The following MIDEAS variants were observed in gnomAD, a reference collection of about 807,000 sequenced individuals.
The protein encoded by MIDEAS is mitotic deacetylase-associated SANT domain protein.
Under a neutral mutation model 102.7 loss-of-function variants are expected in MIDEAS, and 26 were observed. The ratio of observed to expected loss-of-function variants is 0.25; its 90% confidence interval spans 0.19 to 0.35. The LOEUF (loss-of-function observed/expected upper bound fraction) is 0.35, where lower values mean the gene tolerates loss of function less well. MIDEAS is among the 10% of genes least tolerant of loss of function. The pLI, the probability that MIDEAS is intolerant of heterozygous loss-of-function variation, is 1.00. For synonymous variants in MIDEAS, 585 were observed against 591.0 expected, an observed-to-expected ratio of 0.99 and a Z score of 0.15; for missense variants, 1,231 against 1,435.6, an observed-to-expected ratio of 0.86 and a Z score of 2.30.
intron 1 of MIDEAS, among the ~76,000 whole-genome samples, chr14:73,772,223 C>T (rs2053648220): frequency 6.6e-6 from 1 of 152,206 alleles, no homozygotes; most frequent in Non-Finnish European, 1.5e-5. Context: ...GGAGTCCCTC[C>T]CCCTGGCCTC....
At chr14:73,776,986 T>C (rs893754874) in intron 1 of MIDEAS, among the ~76,000 whole-genome samples, 1 of 151,620 alleles carries the variant, frequency 6.6e-6, no homozygotes, top group African/African-American at 2.4e-5. Flanking sequence ...CACAGAATAG[T>C]TTGAACCCGG....
At chr14:73,719,243 C>T (rs1595248182) in intron 12 of MIDEAS, 62 bp downstream of exon 12, 3 of 1,536,306 alleles carry the variant, frequency 2.0e-6, no homozygotes, top group Non-Finnish European at 2.6e-6. Flanking sequence ...TCCACCCCAC[C>T]CCCGCCCCCT....
chr14:73,787,792 A>T (rs532653989), upstream of MIDEAS, among the ~76,000 whole-genome samples: 1 of 152,296 alleles, frequency 6.6e-6, no homozygotes, highest in Admixed American at 6.5e-5. Context: ...ACCACGTATC[A>T]CACTTCTGGG....
intron 1 of MIDEAS, among the ~76,000 whole-genome samples, 180 bp from the exon 2 acceptor site, chr14:73,740,435 G>A (rs994161663): frequency 6.6e-6 from 1 of 152,194 alleles, no homozygotes; most frequent in African/African-American, 2.4e-5. Context: ...TTGGGGAGCT[G>A]CCAGGAGGGC....
At chr14:73,720,422 A>C (rs2052971602) in intron 11 of MIDEAS, among the ~76,000 whole-genome samples, 1 of 151,716 alleles carries the variant, frequency 6.6e-6, no homozygotes. Context: ...TAGTTTTTGT[A>C]TTTTTAATAG....
upstream of MIDEAS, among the ~76,000 whole-genome samples, chr14:73,764,353 AAAAAAAAAAAC>A (rs1489537851): frequency 1.4e-5 from 2 of 145,732 alleles, no homozygotes; most frequent in South Asian, 2.2e-4. Context: ...AAAAAAAAAA[AAAAAAAAAAAC>A]AAAACAAAAC....
intron 1 of MIDEAS, among the ~76,000 whole-genome samples, chr14:73,745,249 G>A (rs2053337048): frequency 6.6e-6 from 1 of 152,160 alleles, no homozygotes; most frequent in Non-Finnish European, 1.5e-5. Context: ...TGGAACACAA[G>A]TCCTTCTCCC....
At chr14:73,786,253 C>T (rs1484553021) in intron 1 of MIDEAS, among the ~76,000 whole-genome samples, 1 of 152,222 alleles carries the variant, frequency 6.6e-6, no homozygotes, top group Admixed American at 6.5e-5. Flanking sequence ...CTCAGCTGTT[C>T]TTTAAAAAAC....
chr14:73,788,929 A>T (rs567189143), upstream of MIDEAS: 23 of 152,270 alleles, frequency 1.5e-4, no homozygotes, highest in African/African-American at 5.1e-4. Flanking sequence ...AATTTCATGA[A>T]TATTCAGTAT....
In MIDEAS at chr14:73,718,905, C is replaced by T; in HGVS notation, c.3238G>A (p.Ala1080Thr). 2 of 1,522,068 alleles carry T rather than the reference C, an allele frequency of 1.3e-6. No homozygotes were observed. The highest frequency in any genetic ancestry group is 1.8e-6 in the Non-Finnish European group (2 of 1,141,478). 94.3% of individuals were successfully genotyped at this position (1,522,068 alleles called of 1,614,324 possible). The change falls in exon 13 of 13, where the codon GCC becomes ACC. Residue 1080 changes from alanine (A) to threonine (T), a missense_variant. Ala to Thr is a moderately conservative substitution (Grantham distance 58). Transcript: ENST00000423556. ...GCCTGCTGGTGGGCGGCGGCGGCGG[C>T]AGCAGCGGCCTCTTTCTCCTTCAGC... is the stretch of plus-strand genomic sequence containing the variant. ...LRLKEKEAAA[A>T]AAAAHQQALR...
intron 10 of MIDEAS, 80 bp from the exon 11 acceptor site, chr14:73,721,589 G>T: frequency 4.5e-6 from 6 of 1,331,778 alleles, no homozygotes; most frequent in Non-Finnish European, 6.4e-6. Flanking sequence ...CGGCCGGGGG[G>T]TTCACCAGCC....
chr14:73,780,690 TCTC>T (rs1754103587), intron 1 of MIDEAS, among the ~76,000 whole-genome samples: 1 of 152,294 alleles, frequency 6.6e-6, no homozygotes, highest in Middle Eastern at 3.4e-3. Context: ...TCCTGGGCCT[TCTC>T]CTGCCTGTGT....
intron 1 of MIDEAS, among the ~76,000 whole-genome samples, chr14:73,779,548 T>A (rs1211362754): frequency 4.1e-5 from 6 of 146,704 alleles, no homozygotes; most frequent in African/African-American, 7.6e-5. Flanking sequence ...TATTTTTTTT[T>A]AATTTGTTTA....
At chr14:73,733,521 G>A (rs1012519970) in intron 3 of MIDEAS, among the ~76,000 whole-genome samples, 4 of 151,916 alleles carry the variant, frequency 2.6e-5, no homozygotes, top group South Asian at 2.1e-4. Context: ...CCTGGGAGGC[G>A]GAGGCTGCAG....
chr14:73,719,765 A>G (rs1485704307), intron 11 of MIDEAS, among the ~76,000 whole-genome samples: 1 of 142,576 alleles, frequency 7.0e-6, no homozygotes, highest in East Asian at 2.6e-4. Context: ...TGCGCCTGAC[A>G]GGGGATCTTG....
upstream of MIDEAS, among the ~76,000 whole-genome samples, chr14:73,763,409 G>C (rs1468178733): frequency 2.0e-5 from 3 of 152,184 alleles, no homozygotes; most frequent in African/African-American, 7.2e-5. Context: ...CTGTTACGAA[G>C]TTGGGGGAAA....
chr14:73,781,659 G>A (rs1352913790), intron 1 of MIDEAS, among the ~76,000 whole-genome samples: 1 of 144,668 alleles, frequency 6.9e-6, no homozygotes, highest in Non-Finnish European at 1.5e-5. Context: ...ACTTGAACCC[G>A]GCAGGCAGAG....
chr14:73,739,795 G>A lies in MIDEAS; in HGVS notation c.214C>T (p.Leu72=). ...GGCCCATATACCACAGAGTTCAGCAGGGCCAGGCTGCTAGGAGGGGGCAGT... is the reference window on the plus strand; with the variant it reads ...GGCCCATATACCACAGAGTTCAGCAAGGCCAGGCTGCTAGGAGGGGGCAGT... ...VELPPPSSLA[L]LNSVVYGPER... Residue 72 remains leucine, a synonymous_variant, in exon 2 of 13, where the codon CTG becomes TTG. Transcript: ENST00000423556. The A allele has an allele frequency of 1.2e-6, 2 of 1,613,546 alleles. No homozygotes were observed. The highest frequency in any genetic ancestry group is 1.3e-5 in the African/African-American group (1 of 75,056).
intron 10 of MIDEAS, 106 bp downstream of exon 10, chr14:73,722,592 C>T (rs1248000748): frequency 1.4e-6 from 2 of 1,393,528 alleles, no homozygotes; most frequent in African/African-American, 1.4e-5. Context: ...TCTTCCTCAA[C>T]CTGCCCTCTG....
Sources: gnomAD v4.1 joint callset for allele counts (sites outside exome capture counted in the v4.1 genomes callset) on GRCh38, gnomAD v4.1.1 for gene constraint, MANE v1.5 for transcripts, NCBI Gene and HGNC (gene_info 2026-07-23, HGNC 2026-07-21) for gene names.